The following ADGRB2 variants were observed in gnomAD, a reference collection of about 807,000 sequenced individuals.
The protein encoded by ADGRB2 is adhesion G protein-coupled receptor B2.
In ADGRB2, 47 loss-of-function variants were observed where a neutral mutation model predicts 178.7. The observed-to-expected ratio is 0.26, with a 90% CI of 0.21 to 0.34. The LOEUF (loss-of-function observed/expected upper bound fraction) is 0.34. Ranked by LOEUF, ADGRB2 falls within the 10% of genes least tolerant of loss-of-function variation. The pLI, the probability that ADGRB2 is intolerant of heterozygous loss-of-function variation, is 1.00. For synonymous variants in ADGRB2, 870 were observed against 912.4 expected, an observed-to-expected ratio of 0.95 and a Z score of 0.84; for missense variants, 1,584 against 2,180.8, an observed-to-expected ratio of 0.73 and a Z score of 5.45.
At position 31,756,451 on chromosome 1, in the gene ADGRB2, T is replaced by C. The variant is rs1646838228; in HGVS notation, c.386A>G (p.Glu129Gly). Residue 129 changes from glutamate to glycine, a missense_variant, in exon 4 of 33, where the codon GAA becomes GGA. Coordinates refer to ENST00000373658, the MANE Select transcript of ADGRB2 (RefSeq NM_001364857.2). This position sits in a 1 kb window ranked among gnomAD's most constrained non-coding sequence, Gnocchi z 8.5. ...AQAESEVGRP[E>G]EEEAEAAAGL... is the part of the protein sequence containing the mutation. Reference sequence around the variant, plus strand: ...CGCTGCCGCCTCTGCCTCCTCCTCTTCTGGCCGCCCCACCTCTGACTCCGC... The same window carrying C: ...CGCTGCCGCCTCTGCCTCCTCCTCTCCTGGCCGCCCCACCTCTGACTCCGC... 6.2e-6 allele frequency: 10 copies of C among 1,611,162 alleles called. No homozygotes were observed. Among genetic ancestry groups the C allele is most frequent in the South Asian group, 1.1e-5 (1 of 90,866 alleles).
rs777573418 is a variant in ADGRB2, at chr1:31,738,823, T to G, written c.2601+9A>C. The G allele has an allele frequency of 2.5e-6, 4 of 1,613,836 alleles. No homozygotes were observed. In the Admixed American group the frequency reaches 6.7e-5, roughly 27 times the overall value. ...TGCACCCAAGGTCTCTGCATGGATC[T>G]CCACTCACATTGATGATGTAGGAGA... On this transcript the variant is annotated intron_variant, in intron 16 of 32. Transcript: ENST00000373658.
chr1:31,757,865 G>A (rs1646914672), intron 1 of ADGRB2, among the ~76,000 whole-genome samples: 1 of 152,150 alleles, frequency 6.6e-6, no homozygotes, highest in Admixed American at 6.5e-5. Context: ...CCCTTAAAGT[G>A]CTGCCCTAAG....
chr1:31,743,061 G>A (rs1229378165), intron 6 of ADGRB2, 59 bp from the exon 7 acceptor site: 31 of 1,346,754 alleles, frequency 2.3e-5, no homozygotes, highest in African/African-American at 4.6e-5. Flanking sequence ...CACCACCGGC[G>A]CCTGCCCATC....
chr1:31,739,309 T>A lies in ADGRB2; in HGVS notation c.2494A>T (p.Arg832Trp). 1 of 1,448,708 alleles carries A rather than the reference T, an allele frequency of 6.9e-7. No individual in the cohort carries two copies. The highest frequency in any genetic ancestry group is 9.1e-7 in the Non-Finnish European group (1 of 1,098,766). 89.7% of individuals were successfully genotyped at this position (1,448,708 alleles called of 1,614,324 possible). A position where few individuals can be genotyped will look rare whatever the true frequency, so the allele number is the denominator to read the frequency against. ...CAGCCACCCATCCCCAGGACTCACC[T>A]GGGAGGCGGCAGGATGAGGCCAAGG... ...RTLGLILPPPRPPLAVTSRVM... is the reference protein window; with the variant it reads ...RTLGLILPPPWPPLAVTSRVM... Residue 832 changes from arginine (R) to tryptophan (W), a missense_variant and splice_region_variant, in exon 15 of 33, where the codon AGG (arginine) becomes TGG (tryptophan). Physicochemically the swap from Arg to Trp is moderately radical, Grantham distance 101. Transcript: ENST00000373658.
At chr1:31,732,431 TG>T in intron 27 of ADGRB2, 85 bp downstream of exon 27, 1 of 1,476,328 alleles carries the variant, frequency 6.8e-7, no homozygotes, top group Non-Finnish European at 9.4e-7. Context: ...CTGCCATGGA[TG>T]GGGAAGGTAA....
In ADGRB2 at chr1:31,757,468, G is replaced by A; in HGVS notation, c.-147C>T. The A allele has an allele frequency of 1.8e-6, 1 of 564,954 alleles. No individual in the cohort carries two copies. The highest frequency in any genetic ancestry group is 3.0e-5 in the East Asian group (1 of 33,748). 35.0% of individuals were successfully genotyped at this position (564,954 alleles called of 1,614,324 possible). A position where few individuals can be genotyped will look rare whatever the true frequency, so the allele number is the denominator to read the frequency against. ...CAACCTGAGCCATGCCCACAGGAGGGCACTGTCAGTGTGGACGTCACATGT... is the reference window on the plus strand; with the variant it reads ...CAACCTGAGCCATGCCCACAGGAGGACACTGTCAGTGTGGACGTCACATGT... On this transcript the variant is annotated 5_prime_UTR_variant, in exon 2 of 33. Transcript: ENST00000373658.
At position 31,757,398 on chromosome 1, in the gene ADGRB2, G is replaced by A. The variant is rs1646892749; in HGVS notation, c.-77C>T. 5 of 840,798 alleles carry A rather than the reference G, an allele frequency of 5.9e-6. No homozygotes were observed. In the African/African-American group the frequency reaches 6.7e-5, roughly 11 times the overall value. The allele number at this position is 840,798 out of a possible 1,614,324, so 52.1% of individuals were successfully genotyped here. A position where few individuals can be genotyped will look rare whatever the true frequency, so the allele number is the denominator to read the frequency against. On this transcript the variant is annotated 5_prime_UTR_variant, in exon 2 of 33. Transcript: ENST00000373658. ...CTCACTCACTTGCTTTACTGAGAGG[G>A]AGAGAAAGGGGCGGAGTTACAGCCA...
chr1:31,737,326 C>A (rs1020798379), intron 20 of ADGRB2, 103 bp downstream of exon 20: 3 of 1,099,370 alleles, frequency 2.7e-6, no homozygotes, highest in Non-Finnish European at 4.1e-6. Flanking sequence ...GGCACACATA[C>A]ACCACCACTA....
Position 31,727,273 on chromosome 1 carries a change from C to T in ADGRB2, c.*147G>A. 2.0e-6 allele frequency: 2 copies of T among 1,008,456 alleles called. No individual in the cohort carries two copies. The highest frequency in any genetic ancestry group is 2.7e-6 in the Non-Finnish European group (2 of 735,798). 62.5% of individuals were successfully genotyped at this position (1,008,456 alleles called of 1,614,324 possible). On this transcript the variant is annotated 3_prime_UTR_variant, in exon 33 of 33. Coordinates refer to ENST00000373658, the MANE Select transcript of ADGRB2 (RefSeq NM_001364857.2). This position sits in a 1 kb window ranked among gnomAD's most constrained non-coding sequence, Gnocchi z 4.4. ...GGACCCCAGGCCAAGCCATGTCCGGCTCCCCCAGCCTGGCTGAGTCCACGG... is the reference window on the plus strand; with the variant it reads ...GGACCCCAGGCCAAGCCATGTCCGGTTCCCCCAGCCTGGCTGAGTCCACGG...
Position 31,744,347 on chromosome 1 carries a change from C to T in ADGRB2, c.933G>A (p.Ala311=), listed in dbSNP as rs1174367347. Residue 311 remains alanine, a synonymous_variant, in exon 6 of 33, where the codon GCG becomes GCA. Transcript: ENST00000373658. The surrounding 1 kb of genome is among the most constrained non-coding windows in gnomAD (Gnocchi z 6.7). ...GLYMAQTGDP[A]AEEWSPWSVC... ...CGCTCCACGGGGACCACTCCTCAGCCGCCGGGTCGCCTACGAGAGAGGGAC... is the reference window on the plus strand; with the variant it reads ...CGCTCCACGGGGACCACTCCTCAGCTGCCGGGTCGCCTACGAGAGAGGGAC... 8.4e-6 allele frequency: 13 copies of T among 1,550,392 alleles called. No homozygotes were observed. The highest frequency in any genetic ancestry group is 2.4e-5 in the South Asian group (2 of 84,016).
At position 31,744,092 on chromosome 1, in the gene ADGRB2, G is replaced by GA. The variant is rs953762072; in HGVS notation, c.1087+100dup. 2.4e-5 allele frequency: 33 copies of GA among 1,378,090 alleles called. No individual in the cohort carries two copies. Among genetic ancestry groups the GA allele is most frequent in the Non-Finnish European group, 3.0e-5 (31 of 1,033,726 alleles). The allele number at this position is 1,378,090 out of a possible 1,614,324, so 85.4% of individuals were successfully genotyped here. A position where few individuals can be genotyped will look rare whatever the true frequency, so the allele number is the denominator to read the frequency against. On this transcript the variant is annotated intron_variant, in intron 6 of 32. Coordinates refer to ENST00000373658, the MANE Select transcript of ADGRB2 (RefSeq NM_001364857.2). This position sits in a 1 kb window ranked among gnomAD's most constrained non-coding sequence, Gnocchi z 6.7. ...TGGGGAACAGCCACATTTGTTGAAT[G>GA]AAAGGAGGAGGCAACCAACCATTTT... is the stretch of plus-strand genomic sequence containing the variant.
intron 14 of ADGRB2, 21 bp downstream of exon 14, chr1:31,739,905 C>T (rs1645842165): frequency 6.2e-7 from 1 of 1,606,494 alleles, no homozygotes; most frequent in Non-Finnish European, 8.5e-7. Flanking sequence ...AGGACCCCCA[C>T]CCTTGCCTGA....
rs551203032 is a variant in ADGRB2 at position 31,733,633 on chromosome 1, G to A, written c.3453-490C>T. Among the ~76,000 whole-genome samples, 7 of 152,238 alleles carry A rather than the reference G, an allele frequency of 4.6e-5. No homozygotes were observed. Among genetic ancestry groups the A allele is most frequent in the African/African-American group, 1.4e-4 (6 of 41,538 alleles). On this transcript the variant is annotated intron_variant, in intron 25 of 32. Coordinates refer to ENST00000373658, the MANE Select transcript of ADGRB2 (RefSeq NM_001364857.2). This position sits in a 1 kb window ranked among gnomAD's most constrained non-coding sequence, Gnocchi z 4.3. ...GAAAGATTAAACAGGCAGAGCACGC[G>A]GGGGACATCCAGAGCACGAATCCTC...
In ADGRB2 at chr1:31,730,911, GA is replaced by G; in HGVS notation, c.4268del (p.Phe1423SerfsTer32). 6.3e-7 allele frequency: 1 copy of G among 1,582,102 alleles called. No individual in the cohort carries two copies. Among genetic ancestry groups the G allele is most frequent in the Admixed American group, 1.8e-5 (1 of 55,714 alleles). ...CGCTGGGTGTCGGCGGTGGCGGTTG[GA>G]AGGTCATTCCATAGGGATTCTGGAG... The part of the protein sequence containing the change: ...GSLQNPYGMT[F>X]QPPPPTPSAR... On this transcript the variant is annotated frameshift_variant, in exon 29 of 33. Coordinates refer to ENST00000373658, the MANE Select transcript of ADGRB2 (RefSeq NM_001364857.2). LOFTEE classifies it high-confidence loss of function.
In ADGRB2 at chr1:31,728,169, G is replaced by A; in HGVS notation, c.4515+13C>T. On this transcript the variant is annotated intron_variant, in intron 31 of 32. Coordinates refer to ENST00000373658, the MANE Select transcript of ADGRB2 (RefSeq NM_001364857.2). The surrounding 1 kb of genome is among the most constrained non-coding windows in gnomAD (Gnocchi z 6.7). ...AGCTTCAGGGCAGGGGCAGCCACGG[G>A]AGGAGCCCTCACCTTGGCCGTGGAC... The A allele has an allele frequency of 1.9e-6, 3 of 1,614,080 alleles. No homozygotes were observed. Among genetic ancestry groups the A allele is most frequent in the Non-Finnish European group, 2.5e-6 (3 of 1,180,012 alleles).
In ADGRB2 at chr1:31,761,729, C is replaced by T. The variant is rs1190786245; in HGVS notation, c.-191+2155G>A. Among the ~76,000 whole-genome samples, 2 of 152,172 alleles carry T rather than the reference C, an allele frequency of 1.3e-5. No homozygotes were observed. Among genetic ancestry groups the T allele is most frequent in the African/African-American group, 2.4e-5 (1 of 41,436 alleles). On this transcript the variant is annotated intron_variant, in intron 1 of 32. Transcript: ENST00000373658. This position sits in a 1 kb window ranked among gnomAD's most constrained non-coding sequence, Gnocchi z 4.2. Reference sequence around the variant, plus strand: ...TAAAGGTGTTTCTGTCTTTATTATACTGGGGGTTGGAGTGAAGGCACTGGA... The same window carrying T: ...TAAAGGTGTTTCTGTCTTTATTATATTGGGGGTTGGAGTGAAGGCACTGGA...
chr1:31,747,453 C>T (rs746853221), intron 4 of ADGRB2, among the ~76,000 whole-genome samples: 1 of 152,110 alleles, frequency 6.6e-6, no homozygotes, highest in Non-Finnish European at 1.5e-5. Flanking sequence ...TCTCAAATCT[C>T]TACTTGCTTG....
intron 4 of ADGRB2, among the ~76,000 whole-genome samples, chr1:31,745,396 G>A (rs898036078): frequency 6.6e-6 from 1 of 152,194 alleles, no homozygotes; most frequent in African/African-American, 2.4e-5. Flanking sequence ...CTGAGGCCAG[G>A]AGAACAGCAG....
chr1:31,760,870 T>G (rs1288025236), intron 1 of ADGRB2: 1 of 152,260 alleles, frequency 6.6e-6, no homozygotes, highest in Non-Finnish European at 1.5e-5. Flanking sequence ...AGCTGGGGAC[T>G]GGGCCGAGGG....
Sources: gnomAD v4.1 joint callset for allele counts (sites outside exome capture counted in the v4.1 genomes callset) on GRCh38, gnomAD v4.1.1 for gene constraint, Gnocchi (gnomAD v3.1) non-coding constraint, MANE v1.5 for transcripts, NCBI Gene and HGNC (gene_info 2026-07-23, HGNC 2026-07-21) for gene names.